DMD: variants seen among roughly 807,000 people sequenced by gnomAD.
The protein encoded by DMD is mutant dystrophin.
Under a neutral mutation model 330.1 loss-of-function variants are expected in DMD, and 63 were observed. The observed-to-expected ratio is 0.19, with a 90% CI of 0.16 to 0.24. The LOEUF is 0.24. Among genes scored for constraint, DMD ranks in the 10% least tolerant of loss-of-function variants. The pLI is 1.00. For missense variants in DMD, 3,344 were observed against 2,684.1 expected (o/e 1.25, Z -5.43); for synonymous variants, 1,223 against 959.8 (o/e 1.27, Z -5.07).
At chrX:31,991,462 G>T (rs1440765257) in intron 44 of DMD, among the ~76,000 whole-genome samples, 2 of 111,200 alleles carry the variant, frequency 1.8e-5, no homozygotes, top group African/African-American at 6.5e-5. Flanking sequence ...TAATAGGTTG[G>T]AAGGAACAGG....
chrX:32,647,784 C>T (rs1319583123), intron 9 of DMD, among the ~76,000 whole-genome samples: 2 of 111,989 alleles, frequency 1.8e-5, no homozygotes, highest in African/African-American at 3.2e-5. Context: ...AATTCCTCTG[C>T]ATATATAAGA....
rs1489865241 is a variant in DMD at position 31,963,576 on chromosome X, T to G, written c.6614+4763A>C. Among the ~76,000 whole-genome samples the G allele has an allele frequency of 3.1e-4, 34 of 111,070 alleles. No individual in the cohort carries two copies. In the Admixed American group the frequency reaches 3.3e-3, roughly 11 times the overall value. On this transcript the variant is annotated intron_variant, in intron 45 of 78. Coordinates refer to ENST00000357033, the MANE Select transcript of DMD (RefSeq NM_004006.3). ...CATTGAGAAGGGGCTACTACCCAGATGTACGTTTCTACGTACTATTCACCT... is the reference window on the plus strand; with the variant it reads ...CATTGAGAAGGGGCTACTACCCAGAGGTACGTTTCTACGTACTATTCACCT...
intron 52 of DMD, among the ~76,000 whole-genome samples, chrX:31,708,306 A>G (rs1437654388): frequency 9.0e-6 from 1 of 111,709 alleles, no homozygotes; most frequent in Admixed American, 9.5e-5. Context: ...TTCTTGAGAG[A>G]TAAAAATTCT....
intron 60 of DMD, among the ~76,000 whole-genome samples, chrX:31,387,068 T>A (rs1034663797): frequency 8.9e-6 from 1 of 111,766 alleles, no homozygotes; most frequent in Non-Finnish European, 1.9e-5. Flanking sequence ...TGACACAAAA[T>A]CCTTGGTTGA....
chrX:31,423,468 C>G (rs921648224), intron 60 of DMD, among the ~76,000 whole-genome samples: 8 of 111,630 alleles, frequency 7.2e-5, no homozygotes, highest in Non-Finnish European at 1.5e-4. Flanking sequence ...GAAACAAAAT[C>G]CCTCGGAGAT....
Position 32,365,199 on chromosome X carries a change from C to A in DMD, c.4846G>T (p.Ala1616Ser). 1 of 1,209,733 alleles carries A rather than the reference C, an allele frequency of 8.3e-7. No homozygotes were observed. Among genetic ancestry groups the A allele is most frequent in the Non-Finnish European group, 1.1e-6 (1 of 894,394 alleles). ...TGTTTCTCAATCTCTTTTTGAGTAG[C>A]CTGTGAAAAGGAGAGCATTGACCTT... is the stretch of plus-strand genomic sequence containing the variant. ...NLDSEVAWGK[A>S]TQKEIEKQKV... Residue 1616 changes from alanine (A) to serine (S), a missense_variant and splice_region_variant, in exon 35 of 79, where the codon GCT becomes TCT. Physicochemically the swap from Ala to Ser is moderately conservative, Grantham distance 99. Transcript: ENST00000357033.
At chrX:33,072,972 C>G (rs2094782086) in intron 1 of DMD, among the ~76,000 whole-genome samples, 1 of 111,808 alleles carries the variant, frequency 8.9e-6, no homozygotes. Context: ...TTTGAGGTAT[C>G]CCTATTTGGC....
intron 44 of DMD, among the ~76,000 whole-genome samples, chrX:31,999,976 T>C (rs1017281809): frequency 8.9e-6 from 1 of 112,414 alleles, no homozygotes; most frequent in African/African-American, 3.2e-5. Flanking sequence ...TAATGAGGAT[T>C]CAGAATCCAG....
intron 1 of DMD, among the ~76,000 whole-genome samples, chrX:33,207,099 G>A (rs1301159854): frequency 9.0e-6 from 1 of 110,996 alleles, no homozygotes; most frequent in Non-Finnish European, 1.9e-5. Flanking sequence ...AGACAGCAGA[G>A]CCATTTCCCT....
intron 47 of DMD, among the ~76,000 whole-genome samples, chrX:31,910,316 C>T (rs2094531609): frequency 9.1e-6 from 1 of 110,214 alleles, no homozygotes; most frequent in African/African-American, 3.3e-5. Context: ...GCAAGGAATT[C>T]AGCTTTGTTC....
At chrX:33,292,303 G>A (rs1339923944) in intron 1 of DMD, among the ~76,000 whole-genome samples, 5 of 111,435 alleles carry the variant, frequency 4.5e-5, no homozygotes, top group African/African-American at 1.3e-4. Flanking sequence ...AAAGAGTAGC[G>A]AAGATAATAT....
chrX:31,564,891 C>G lies in DMD; in HGVS notation c.8218-57438G>C, dbSNP rs937911181. Among the ~76,000 whole-genome samples the G allele has an allele frequency of 4.5e-5, 5 of 111,896 alleles. No individual in the cohort carries two copies. The Admixed American group carries it at 4.7e-4, about 11-fold the overall frequency. On this transcript the variant is annotated intron_variant, in intron 55 of 78. Coordinates refer to ENST00000357033, the MANE Select transcript of DMD (RefSeq NM_004006.3). ...AATACAAGACATACTTTCTGTATTACAGAAGCTCTTAACTGAGTGATGGAG... is the reference window on the plus strand; with the variant it reads ...AATACAAGACATACTTTCTGTATTAGAGAAGCTCTTAACTGAGTGATGGAG...
In DMD at chrX:32,186,700, GTTTGA is replaced by G. The variant is rs771319073; in HGVS notation, c.6438+30211_6438+30215del. On this transcript the variant is annotated intron_variant, in intron 44 of 78. Transcript: ENST00000357033. ...AATGCTAGATTGCTGTTTTGCTGTA[GTTTGA>G]TTTATTTGTGTGAGTTATTAGCTTG... is the stretch of plus-strand genomic sequence containing the variant. Among the ~76,000 whole-genome samples, 54 of 111,095 alleles carry G rather than the reference GTTTGA, an allele frequency of 4.9e-4. No homozygotes were observed. The Admixed American group carries it at 5.0e-3, about 10-fold the overall frequency.
chrX:31,369,772 A>G (rs1453855836), intron 60 of DMD, among the ~76,000 whole-genome samples: 2 of 111,884 alleles, frequency 1.8e-5, no homozygotes, highest in East Asian at 2.8e-4. Context: ...GCCATTTCAA[A>G]TAATTATGCT....
intron 29 of DMD, among the ~76,000 whole-genome samples, chrX:32,434,893 C>T (rs1235497601): frequency 9.0e-6 from 1 of 111,290 alleles, no homozygotes; most frequent in African/African-American, 3.3e-5. Flanking sequence ...ATGTGGTTTT[C>T]ATGAAAGCCG....
chrX:31,173,596 G>C lies in DMD; in HGVS notation c.10271C>G (p.Ser3424Trp). 1.7e-6 allele frequency: 2 copies of C among 1,209,389 alleles called. No homozygotes were observed. The highest frequency in any genetic ancestry group is 2.2e-6 in the Non-Finnish European group (2 of 893,856). Residue 3424 changes from serine (S) to tryptophan (W), a missense_variant, in exon 72 of 79, where the codon TCG becomes TGG. Coordinates refer to ENST00000357033, the MANE Select transcript of DMD (RefSeq NM_004006.3). ...NFWPVDSAPA[S>W]SPQLSHDDTH... ...ATCATCGTGTGAAAGCTGAGGGGAC[G>C]AGGCAGGCCTATAAGGCAGAAAATG...
chrX:32,015,000 T>A (rs2095749049), intron 44 of DMD, among the ~76,000 whole-genome samples: 2 of 112,018 alleles, frequency 1.8e-5, no homozygotes, highest in Admixed American at 9.5e-5. Context: ...TTGCCTAAGA[T>A]CTTAACATAC....
intron 18 of DMD, among the ~76,000 whole-genome samples, chrX:32,512,684 T>A (rs1235518524): frequency 1.8e-5 from 2 of 112,409 alleles, no homozygotes; most frequent in Non-Finnish European, 3.8e-5. Flanking sequence ...AGACATGGAC[T>A]TTGTCAACAC....
At position 31,729,730 on chromosome X, in the gene DMD, C is replaced by T. The variant is rs1569308250; in HGVS notation, c.7561G>A (p.Glu2521Lys). Residue 2521 changes from glutamate (E) to lysine (K), a missense_variant, in exon 52 of 79, where the codon GAA (glutamate) becomes AAA (lysine). Coordinates refer to ENST00000357033, the MANE Select transcript of DMD (RefSeq NM_004006.3). Reference protein sequence around the residue: ...IKQKATMQDLEQRRPQLEELI... With the variant: ...IKQKATMQDLKQRRPQLEELI... ...TCTTCCAACTGGGGACGCCTCTGTT[C>T]CAAATCCTGCATTGTTGCCTGTAAG... The T allele has an allele frequency of 1.7e-6, 2 of 1,210,279 alleles. No individual in the cohort carries two copies. The highest frequency in any genetic ancestry group is 2.2e-6 in the Non-Finnish European group (2 of 894,223).
Sources: allele counts gnomAD v4.1 joint callset (sites outside exome capture counted in the v4.1 genomes callset), GRCh38; gene constraint gnomAD v4.1.1; transcripts MANE v1.5; gene names NCBI Gene and HGNC (gene_info 2026-07-23, HGNC 2026-07-21).